Variants in ABCB4 observed in about 807,000 individuals in gnomAD.
The protein encoded by ABCB4 is phosphatidylcholine translocator ABCB4.
Under a neutral mutation model 145.7 loss-of-function variants are expected in ABCB4, and 76 were observed. The ratio of observed to expected loss-of-function variants is 0.52; its 90% confidence interval spans 0.43 to 0.63. ABCB4 has a LOEUF of 0.63. Ranked by LOEUF, ABCB4 falls within the 30% of genes least tolerant of loss-of-function variation. The probability of loss-of-function intolerance (pLI) is 0.00; values close to 1 mark genes in which losing one functional copy is unlikely to be tolerated. For missense variants in ABCB4, 1,234 were observed against 1,553.1 expected (o/e 0.79, Z 3.45); for synonymous variants, 517 against 566.8 (o/e 0.91, Z 1.25).
intron 15 of ABCB4, among the ~76,000 whole-genome samples, chr7:87,429,002 C>T (rs1266407714): frequency 1.3e-5 from 2 of 152,070 alleles, no homozygotes; most frequent in Non-Finnish European, 1.5e-5. Flanking sequence ...CAACTAAGAG[C>T]CAACAGTCTA....
intron 18 of ABCB4, 78 bp from the exon 19 acceptor site, chr7:87,420,153 A>G: frequency 7.3e-7 from 1 of 1,373,462 alleles, no homozygotes; most frequent in Admixed American, 1.7e-5. Context: ...TTCAACTTTT[A>G]TGTAGCAAAG....
chr7:87,423,640 C>T (rs1462724580), intron 17 of ABCB4: 3 of 455,902 alleles, frequency 6.6e-6, no homozygotes, highest in Non-Finnish European at 1.2e-5. Flanking sequence ...TTGTCTGACA[C>T]CAGTTTCACC....
intron 9 of ABCB4, among the ~76,000 whole-genome samples, chr7:87,446,495 T>A (rs1052598768): frequency 6.6e-6 from 1 of 152,192 alleles, no homozygotes; most frequent in Non-Finnish European, 1.5e-5. Context: ...TTGTAAGTAA[T>A]TTTAATTTTA....
chr7:87,389,795 C>G, the ABCB4 span, among the ~76,000 whole-genome samples: 13 of 146,994 alleles, frequency 8.8e-5, no homozygotes, highest in South Asian at 2.0e-3. Flanking sequence ...GCAAAGCCTT[C>G]AAATAGATGT....
At chr7:87,417,236 A>G (rs1284086528) in intron 21 of ABCB4, 76 bp downstream of exon 21, 54 of 1,363,890 alleles carry the variant, frequency 4.0e-5, no homozygotes, top group Non-Finnish European at 5.2e-5. Flanking sequence ...AAGCCTGCAT[A>G]TCATGATAAA....
chr7:87,431,988 T>A (rs111945216), intron 14 of ABCB4, among the ~76,000 whole-genome samples: 1 of 152,220 alleles, frequency 6.6e-6, no homozygotes, highest in Non-Finnish European at 1.5e-5. Context: ...AGGATCTCTT[T>A]TTAAGAGCCT....
intron 16 of ABCB4, among the ~76,000 whole-genome samples, 163 bp downstream of exon 16, chr7:87,426,587 C>T (rs988800341): frequency 6.6e-6 from 1 of 152,134 alleles, no homozygotes; most frequent in Non-Finnish European, 1.5e-5. Context: ...GATTTCAATT[C>T]ATTGTCAAAT....
chr7:87,392,280 T>G, the ABCB4 span, among the ~76,000 whole-genome samples: 1 of 152,336 alleles, frequency 6.6e-6, no homozygotes, highest in African/African-American at 2.4e-5. Flanking sequence ...ATGCTTTCAT[T>G]TTTGAAATAT....
At chr7:87,453,326 G>A (rs1199318050) in intron 5 of ABCB4, among the ~76,000 whole-genome samples, 191 bp from the exon 6 acceptor site, 2 of 152,098 alleles carry the variant, frequency 1.3e-5, no homozygotes, top group Non-Finnish European at 2.9e-5. Context: ...TGGGATTACA[G>A]GCATGCACCA....
In ABCB4 at chr7:87,452,197, G is replaced by T. The variant is rs118016265; in HGVS notation, c.537-403C>A. On this transcript the variant is annotated intron_variant, in intron 6 of 27. Transcript: ENST00000649586. ...GGAAGAGATCTTTGCTTCTACTCTT[G>T]TCCCTATTCCCAACCAAGTCTATTC... Among the ~76,000 whole-genome samples the T allele has an allele frequency of 7.3e-4, 111 of 152,138 alleles. 5 individuals carry two copies. In the East Asian group the frequency reaches 0.019, roughly 25 times the overall value.
At chr7:87,420,432 C>T (rs545633047) in intron 18 of ABCB4, among the ~76,000 whole-genome samples, 4 of 152,278 alleles carry the variant, frequency 2.6e-5, no homozygotes, top group South Asian at 4.2e-4. Flanking sequence ...CATTACCATA[C>T]GCTTATAAAA....
At chr7:87,469,120 A>C (rs887930159) in intron 3 of ABCB4, among the ~76,000 whole-genome samples, 1 of 152,276 alleles carries the variant, frequency 6.6e-6, no homozygotes, top group Admixed American at 6.5e-5. Flanking sequence ...CAAAGAAAAA[A>C]ACCACATTAT....
chr7:87,377,165 C>A, the ABCB4 span, among the ~76,000 whole-genome samples: 10 of 152,122 alleles, frequency 6.6e-5, no homozygotes, highest in East Asian at 1.7e-3. Flanking sequence ...AAAGTCAGGG[C>A]CAGAATTACT....
At chr7:87,396,821 G>A (rs979865949), downstream of ABCB4, among the ~76,000 whole-genome samples, 9 of 151,996 alleles carry the variant, frequency 5.9e-5, no homozygotes, top group Admixed American at 2.6e-4. Context: ...TATTTACACT[G>A]TAAATATTTG....
chr7:87,382,950 T>G, the ABCB4 span, among the ~76,000 whole-genome samples: 2 of 152,220 alleles, frequency 1.3e-5, no homozygotes, highest in African/African-American at 4.8e-5. Flanking sequence ...TAAGAAGAAG[T>G]AGAAGTCCCT....
rs1810872548 is a variant in ABCB4, at chr7:87,440,117, T to A, written c.1560+82A>T. 4.8e-6 allele frequency: 7 copies of A among 1,452,136 alleles called. No homozygotes were observed. The East Asian group carries it at 1.6e-4, about 33-fold the overall frequency. 90.0% of individuals were successfully genotyped at this position (1,452,136 alleles called of 1,614,324 possible). ...GACAATCTTGCATCTCAAACATTAT[T>A]AGCTAAACCTTTGAAGAATAAACTC... On this transcript the variant is annotated intron_variant, in intron 13 of 27. Transcript: ENST00000649586.
rs529716556 is a variant in ABCB4 at position 87,440,251 on chromosome 7, T to G, written c.1508A>C (p.Lys503Thr). The stretch of plus-strand genomic sequence containing the variant: ...GGCGTTGGCCTCTTTGACAGCTTTC[T>G]TTATCTCATCCATGGTTACATTTCC... ...GRGNVTMDEI[K>T]KAVKEANAYE... Residue 503 changes from lysine (K) to threonine (T), a missense_variant, in exon 13 of 28, where the codon AAG becomes ACG. This residue lies in a region of ABCB4 where 467 missense variants were observed against 632.8 expected (regional missense o/e 0.74). Transcript: ENST00000649586. 1 of 1,614,184 alleles carries G rather than the reference T, an allele frequency of 6.2e-7. No homozygotes were observed.
intron 4 of ABCB4, among the ~76,000 whole-genome samples, chr7:87,454,809 G>A (rs1037589951): frequency 1.3e-5 from 2 of 152,106 alleles, no homozygotes; most frequent in East Asian, 3.8e-4. Flanking sequence ...GACATTAAGG[G>A]CCAAGAAAGG....
chr7:87,424,415 G>T (rs962350303), intron 16 of ABCB4, among the ~76,000 whole-genome samples: 1 of 152,160 alleles, frequency 6.6e-6, no homozygotes, highest in Non-Finnish European at 1.5e-5. Context: ...GACCACATAA[G>T]CCGAGCTGCA....
Sources: gnomAD v4.1 joint callset for allele counts (sites outside exome capture counted in the v4.1 genomes callset) on GRCh38, gnomAD v4.1.1 for gene constraint, gnomAD v4.1.1 regional missense constraint, MANE v1.5 for transcripts, NCBI Gene and HGNC (gene_info 2026-07-23, HGNC 2026-07-21) for gene names.